EVC2: variants seen among roughly 807,000 people sequenced by gnomAD.
The protein encoded by EVC2 is limbin.
Under a neutral mutation model 149.3 loss-of-function variants are expected in EVC2, and 148 were observed. The ratio of observed to expected loss-of-function variants is 0.99; its 90% confidence interval spans 0.87 to 1.14. The LOEUF (loss-of-function observed/expected upper bound fraction) is 1.14. Ranked by LOEUF, EVC2 falls within the 50% of genes most tolerant of loss-of-function variation. The pLI is 0.00. For missense variants in EVC2, 1,854 were observed against 1,627.3 expected (o/e 1.14, Z -2.40); for synonymous variants, 776 against 649.9 (o/e 1.19, Z -2.95).
At chr4:5,685,248 T>C (rs1720616301) in intron 6 of EVC2, 122 bp downstream of exon 6, 3 of 952,592 alleles carry the variant, frequency 3.1e-6, no homozygotes, top group East Asian at 4.8e-5. Context: ...TGCCCTTATC[T>C]GCTAGGTGGC....
At chr4:5,669,478 G>A (rs182534842) in intron 7 of EVC2, among the ~76,000 whole-genome samples, 2 of 152,306 alleles carry the variant, frequency 1.3e-5, no homozygotes, top group Admixed American at 1.3e-4. Flanking sequence ...TGTCCAGGGG[G>A]CTGTATGTTT....
intron 4 of EVC2, 118 bp from the exon 5 acceptor site, chr4:5,689,461 C>G: frequency 5.0e-6 from 5 of 1,006,858 alleles, no homozygotes; most frequent in Non-Finnish European, 7.6e-6. Context: ...GTAGCACGGT[C>G]TCGCAGAGGG....
rs181388781 is a variant in EVC2 at position 5,596,064 on chromosome 4, T to C, written c.2830-11214A>G. On this transcript the variant is annotated intron_variant, in intron 16 of 21. Coordinates refer to ENST00000344408, the MANE Select transcript of EVC2 (RefSeq NM_147127.5). Reference sequence around the variant, plus strand: ...CCCAATACTGGAGCACCCAGATTCATAAAGCAAGTCCTCAGTGACCTACAA... The same window carrying C: ...CCCAATACTGGAGCACCCAGATTCACAAAGCAAGTCCTCAGTGACCTACAA... Among the ~76,000 whole-genome samples the C allele has an allele frequency of 3.4e-3, 524 of 152,296 alleles. 3 individuals are homozygous for C. Among genetic ancestry groups the C allele is most frequent in the Middle Eastern group, 6.8e-3 (2 of 294 alleles).
chr4:5,583,828 TTTTG>T (rs1337832456), intron 17 of EVC2, among the ~76,000 whole-genome samples: 1 of 151,708 alleles, frequency 6.6e-6, no homozygotes, highest in Non-Finnish European at 1.5e-5. Context: ...TTGTTTTTTA[TTTTG>T]TTTATGCTGT....
intron 17 of EVC2, among the ~76,000 whole-genome samples, chr4:5,581,822 C>G (rs900442814): frequency 2.0e-5 from 3 of 152,220 alleles, no homozygotes; most frequent in Non-Finnish European, 4.4e-5. Flanking sequence ...CCCAGTGCCC[C>G]ACTGCCCTGT....
chr4:5,553,215 ACATGCCAGGAGCAGGAG>A (rs1228072903), intron 21 of EVC2, among the ~76,000 whole-genome samples: 7 of 152,180 alleles, frequency 4.6e-5, no homozygotes, highest in Admixed American at 4.6e-4. Flanking sequence ...GGCATGTCTC[ACATGCCAGGAGCAGGAG>A]CAAGTGGAGT....
intron 12 of EVC2, among the ~76,000 whole-genome samples, chr4:5,627,650 C>A (rs1036555812): frequency 8.5e-5 from 13 of 152,152 alleles, no homozygotes; most frequent in Non-Finnish European, 1.5e-4. Context: ...AATTAAGTCA[C>A]CTCAAAGAAT....
intron 17 of EVC2, among the ~76,000 whole-genome samples, chr4:5,579,314 A>C (rs992249102): frequency 6.6e-6 from 1 of 152,222 alleles, no homozygotes; most frequent in Non-Finnish European, 1.5e-5. Flanking sequence ...TTTCATCTGT[A>C]GAATGGGTAT....
intron 17 of EVC2, among the ~76,000 whole-genome samples, chr4:5,581,732 G>A (rs1577114619): frequency 1.3e-5 from 2 of 152,286 alleles, no homozygotes; most frequent in East Asian, 3.9e-4. Context: ...GGAAACAGAA[G>A]GGTTTTCAGA....
chr4:5,699,072 G>A (rs960432987), intron 1 of EVC2, among the ~76,000 whole-genome samples: 2 of 152,228 alleles, frequency 1.3e-5, no homozygotes, highest in Non-Finnish European at 2.9e-5. Context: ...TGTAACCCCA[G>A]CTGGGCTGGA....
intron 4 of EVC2, among the ~76,000 whole-genome samples, chr4:5,689,682 C>A (rs1364415902): frequency 1.3e-5 from 2 of 152,216 alleles, no homozygotes; most frequent in Non-Finnish European, 2.9e-5. Context: ...ACCAAGCAAA[C>A]AATGGCTCCT....
intron 7 of EVC2, among the ~76,000 whole-genome samples, chr4:5,672,763 T>C (rs1026490011): frequency 3.9e-5 from 6 of 152,238 alleles, no homozygotes; most frequent in Non-Finnish European, 7.3e-5. Flanking sequence ...CCAAACGTCC[T>C]GATGAATAAA....
At chr4:5,708,597 A>G, upstream of EVC2, 4 of 1,046,250 alleles carry the variant, frequency 3.8e-6, no homozygotes, top group Middle Eastern at 3.3e-4. Context: ...CCCGCCGCCG[A>G]GCATGCTCAG....
rs11735108 is a variant in EVC2 at position 5,567,953 on chromosome 4, G to A, written c.3557+491C>T. The stretch of plus-strand genomic sequence containing the variant: ...GCGTTAAAAGGTAAGGAGCAAAATC[G>A]CTTCTGCTGTAAGATTCTGAAATGC... On this transcript the variant is annotated intron_variant, in intron 20 of 21. Coordinates refer to ENST00000344408, the MANE Select transcript of EVC2 (RefSeq NM_147127.5). The surrounding 1 kb of genome is among the most constrained non-coding windows in gnomAD (Gnocchi z 4.4). Among the ~76,000 whole-genome samples the A allele has an allele frequency of 0.49, 74,610 of 152,152 alleles. 20,859 individuals are homozygous for A. The highest frequency in any genetic ancestry group is 0.64 in the Non-Finnish European group (43,621 of 67,988).
In EVC2 at chr4:5,621,009, A is replaced by T. The variant is rs1577167616; in HGVS notation, c.2501+1528T>A. 2.6e-5 allele frequency among the ~76,000 whole-genome samples: 4 copies of T among 152,370 alleles called. No individual in the cohort carries two copies. In the South Asian group the frequency reaches 8.3e-4, roughly 32 times the overall value. ...AAGACAGAATCTTGTTTTCCTTGTCAAGAAAGCAAAAGCTAACAAGGATTA... is the reference window on the plus strand; with the variant it reads ...AAGACAGAATCTTGTTTTCCTTGTCTAGAAAGCAAAAGCTAACAAGGATTA... On this transcript the variant is annotated intron_variant, in intron 14 of 21. Coordinates refer to ENST00000344408, the MANE Select transcript of EVC2 (RefSeq NM_147127.5).
chr4:5,566,342 GC>G (rs1722288484), intron 20 of EVC2, among the ~76,000 whole-genome samples: 1 of 152,180 alleles, frequency 6.6e-6, no homozygotes, highest in Admixed American at 6.5e-5. Context: ...ACTGGGCCAG[GC>G]AGGCTCTCTC....
At chr4:5,643,457 G>A (rs1717486893) in intron 9 of EVC2, among the ~76,000 whole-genome samples, 1 of 151,968 alleles carries the variant, frequency 6.6e-6, no homozygotes, top group African/African-American at 2.4e-5. Context: ...CGCATCTTTG[G>A]GTCTTCATTT....
At chr4:5,642,977 C>T (rs1717449047) in intron 9 of EVC2, among the ~76,000 whole-genome samples, 1 of 152,190 alleles carries the variant, frequency 6.6e-6, no homozygotes, top group Admixed American at 6.5e-5. Context: ...GCATCTTTAA[C>T]TGTCAAGGAG....
At chr4:5,646,887 G>A (rs1717758811) in intron 9 of EVC2, among the ~76,000 whole-genome samples, 1 of 152,168 alleles carries the variant, frequency 6.6e-6, no homozygotes, top group Non-Finnish European at 1.5e-5. Flanking sequence ...GGGAAGACTG[G>A]TAAGTAAATT....
Sources: allele counts gnomAD v4.1 joint callset (sites outside exome capture counted in the v4.1 genomes callset), GRCh38; gene constraint gnomAD v4.1.1; non-coding constraint Gnocchi (gnomAD v3.1); transcripts MANE v1.5; gene names NCBI Gene and HGNC (gene_info 2026-07-23, HGNC 2026-07-21).